Variants in MEGF9 observed in about 807,000 individuals in gnomAD.
MEGF9 encodes multiple EGF like domains 9, also known as multiple epidermal growth factor-like domains protein 9.
Under a neutral mutation model 46.8 loss-of-function variants are expected in MEGF9, and 6 were observed. The observed-to-expected ratio is 0.13, with a 90% CI of 0.07 to 0.25. The LOEUF (loss-of-function observed/expected upper bound fraction) is 0.25. Among genes scored for constraint, MEGF9 ranks in the 10% least tolerant of loss-of-function variants. MEGF9 has a pLI of 1.00. For synonymous variants in MEGF9, 302 were observed against 330.7 expected (o/e 0.91, Z 0.94); for missense variants, 683 against 792.4 (o/e 0.86, Z 1.66).
intron 2 of MEGF9, among the ~76,000 whole-genome samples, chr9:120,648,105 T>G (rs752436232): frequency 2.6e-5 from 4 of 152,110 alleles, no homozygotes; most frequent in Non-Finnish European, 5.9e-5. Context: ...TCAATCTGGT[T>G]TCCTTGCCTG....
intron 1 of MEGF9, among the ~76,000 whole-genome samples, chr9:120,685,824 T>C (rs771209262): frequency 1.3e-5 from 2 of 152,226 alleles, no homozygotes; most frequent in African/African-American, 4.8e-5. Context: ...GCAACCCATA[T>C]GTCTATTGAT....
rs146669450 is a variant in MEGF9, at chr9:120,711,840, T to TACACACACACACACACAC, written c.601+1917_601+1918insGTGTGTGTGTGTGTGTGT. Among the ~76,000 whole-genome samples the TACACACACACACACACAC allele has an allele frequency of 9.4e-4, 131 of 139,222 alleles. 1 individual carries two copies. Among genetic ancestry groups the TACACACACACACACACAC allele is most frequent in the East Asian group, 2.2e-3 (11 of 4,978 alleles). 91.3% of individuals were successfully genotyped at this position (139,222 alleles called of 152,430 possible). ...TTCTCAAATGCTTTCTATACATACA[T>TACACACACACACACACAC]ACATACACACACACACACACACACA... On this transcript the variant is annotated intron_variant, in intron 1 of 5. Transcript: ENST00000373930.
intron 1 of MEGF9, among the ~76,000 whole-genome samples, chr9:120,686,377 C>G (rs975212085): frequency 6.6e-6 from 1 of 152,032 alleles, no homozygotes; most frequent in Non-Finnish European, 1.5e-5. Context: ...CAGGCCCGGC[C>G]GAGGGAATTC....
chr9:120,622,755 A>G lies in MEGF9; in HGVS notation c.804T>C (p.Ser268=). ...CCACTTTGCACTGGCATTTCCCAGA[A>G]CTGCAAATAAAAGCAAAGACAATGA... The part of the protein sequence containing the change: ...PHGALSIPCN[S]SGKCQCKVGV... The change falls in exon 3 of 6, where the codon AGT becomes AGC. Residue 268 remains serine (S), a splice_region_variant and synonymous_variant. Transcript: ENST00000373930. 1 of 1,612,952 alleles carries G rather than the reference A, an allele frequency of 6.2e-7. No homozygotes were observed. The highest frequency in any genetic ancestry group is 8.5e-7 in the Non-Finnish European group (1 of 1,179,450).
chr9:120,661,452 G>A (rs1248229088), intron 1 of MEGF9, among the ~76,000 whole-genome samples: 1 of 152,242 alleles, frequency 6.6e-6, no homozygotes, highest in African/African-American at 2.4e-5. Context: ...GGGAGGCTGA[G>A]GTTACAGTGA....
At chr9:120,649,039 A>G (rs1587983742) in intron 2 of MEGF9, among the ~76,000 whole-genome samples, 1 of 152,340 alleles carries the variant, frequency 6.6e-6, no homozygotes, top group East Asian at 1.9e-4. Context: ...AAAATGGCAC[A>G]GTATTTGCAT....
chr9:120,627,798 GTCATTTGGGAACTTTTGCTTTTCCC>G, intron 2 of MEGF9, among the ~76,000 whole-genome samples: 1 of 152,182 alleles, frequency 6.6e-6, no homozygotes, highest in East Asian at 1.9e-4. Flanking sequence ...TTCATTTGTG[GTCATTTGGGAACTTTTGCTTTTCCC>G]CTTTCCTTCT....
chr9:120,632,755 T>A (rs1457982602), intron 2 of MEGF9, among the ~76,000 whole-genome samples: 1 of 152,206 alleles, frequency 6.6e-6, no homozygotes, highest in Non-Finnish European at 1.5e-5. Flanking sequence ...TTTATTATTC[T>A]GAGGTACGTT....
rs955376277 is a variant in MEGF9, at chr9:120,659,284, G to T, written c.803+90C>A. 11 of 1,042,012 alleles carry T rather than the reference G, an allele frequency of 1.1e-5. No individual in the cohort carries two copies. In the African/African-American group the frequency reaches 1.5e-4, roughly 14 times the overall value. 64.5% of individuals were successfully genotyped at this position (1,042,012 alleles called of 1,614,324 possible). ...AAATCTATGACCCTCATCCCCCTTT[G>T]TTTAAACCAGTATGGTCCTTGAGAG... On this transcript the variant is annotated intron_variant, in intron 2 of 5. Transcript: ENST00000373930.
chr9:120,659,101 A>G (rs913122698), intron 2 of MEGF9, among the ~76,000 whole-genome samples: 3 of 152,236 alleles, frequency 2.0e-5, no homozygotes, highest in Non-Finnish European at 4.4e-5. Flanking sequence ...TTTATTCTTC[A>G]ATAATTTTTT....
intron 5 of MEGF9, among the ~76,000 whole-genome samples, chr9:120,607,171 TC>T (rs2043423377): frequency 6.6e-6 from 1 of 152,200 alleles, no homozygotes; most frequent in Non-Finnish European, 1.5e-5. Context: ...ACCCTCAATA[TC>T]CTAACTCATC....
Position 120,611,784 on chromosome 9 carries a change from CAG to C in MEGF9, c.1087+610_1087+611del, listed in dbSNP as rs1345518747. ...TCAACAAAGCTATTATTTAAACAGA[CAG>C]GGAGAAAAGAAAGGAAAGAAAGAAA... On this transcript the variant is annotated intron_variant, in intron 4 of 5. Coordinates refer to ENST00000373930, the MANE Select transcript of MEGF9 (RefSeq NM_001080497.3). Among the ~76,000 whole-genome samples the C allele has an allele frequency of 2.2e-5, 3 of 135,066 alleles. No individual in the cohort carries two copies. The East Asian group carries it at 6.4e-4, about 29-fold the overall frequency. The allele number at this position is 135,066 out of a possible 152,430, so 88.6% of individuals were successfully genotyped here.
chr9:120,667,887 T>C (rs1326235819), intron 1 of MEGF9, among the ~76,000 whole-genome samples: 3 of 152,158 alleles, frequency 2.0e-5, no homozygotes, highest in Non-Finnish European at 4.4e-5. Context: ...TAGTCAGGCA[T>C]GGTGGCATGT....
At chr9:120,687,651 T>G (rs1018284042) in intron 1 of MEGF9, among the ~76,000 whole-genome samples, 1 of 145,596 alleles carries the variant, frequency 6.9e-6, no homozygotes, top group African/African-American at 2.5e-5. Context: ...TATACAAAAT[T>G]TGAAACATGA....
Position 120,605,693 on chromosome 9 carries a change from G to C in MEGF9, c.1358-52C>G. Reference sequence around the variant, plus strand: ...GTAAAAGACAAAATTATCTAGTTTTGAGAAACAATAAAAGAAATACGCATG... The same window carrying C: ...GTAAAAGACAAAATTATCTAGTTTTCAGAAACAATAAAAGAAATACGCATG... On this transcript the variant is annotated intron_variant, in intron 5 of 5. Coordinates refer to ENST00000373930, the MANE Select transcript of MEGF9 (RefSeq NM_001080497.3). The surrounding 1 kb of genome is among the most constrained non-coding windows in gnomAD (Gnocchi z 4.0). 7.5e-7 allele frequency: 1 copy of C among 1,336,188 alleles called. No homozygotes were observed. 82.8% of individuals were successfully genotyped at this position (1,336,188 alleles called of 1,614,324 possible).
chr9:120,708,037 T>C (rs571160295), intron 1 of MEGF9, among the ~76,000 whole-genome samples: 1 of 149,076 alleles, frequency 6.7e-6, no homozygotes, highest in Non-Finnish European at 1.5e-5. Flanking sequence ...TAAGTGAGAC[T>C]CTGTCTCAAA....
Position 120,698,489 on chromosome 9 carries a change from T to C in MEGF9, c.601+15269A>G, listed in dbSNP as rs577949660. Reference sequence around the variant, plus strand: ...GCCTTTGCCTCAAGCATATTGTTACTAACCTGCACCTTAGAACCACCTATT... The same window carrying C: ...GCCTTTGCCTCAAGCATATTGTTACCAACCTGCACCTTAGAACCACCTATT... On this transcript the variant is annotated intron_variant, in intron 1 of 5. Transcript: ENST00000373930. Among the ~76,000 whole-genome samples, 15 of 152,340 alleles carry C rather than the reference T, an allele frequency of 9.8e-5. No individual in the cohort carries two copies. In the South Asian group the frequency reaches 3.1e-3, roughly 32 times the overall value.
At chr9:120,698,189 C>T (rs930476572) in intron 1 of MEGF9, among the ~76,000 whole-genome samples, 1 of 152,122 alleles carries the variant, frequency 6.6e-6, no homozygotes, top group Non-Finnish European at 1.5e-5. Flanking sequence ...CAATGTGCTA[C>T]CAACATAAAA....
chr9:120,700,819 C>T (rs962142769), intron 1 of MEGF9, among the ~76,000 whole-genome samples: 4 of 152,006 alleles, frequency 2.6e-5, no homozygotes, highest in East Asian at 1.9e-4. Flanking sequence ...CGGTGGCTCA[C>T]GCCTGTAAAC....
Sources: allele counts gnomAD v4.1 joint callset (sites outside exome capture counted in the v4.1 genomes callset), GRCh38; gene constraint gnomAD v4.1.1; non-coding constraint Gnocchi (gnomAD v3.1); transcripts MANE v1.5; gene names NCBI Gene and HGNC (gene_info 2026-07-23, HGNC 2026-07-21).